The following MGMT variants were observed in gnomAD, a reference collection of about 807,000 sequenced individuals.
The protein encoded by MGMT is O-6-methylguanine-DNA methyltransferase.
A neutral mutation model predicts 15.9 loss-of-function variants in MGMT; 14 were observed. The observed-to-expected ratio is 0.88, with a 90% CI of 0.58 to 1.37. MGMT has a LOEUF of 1.37. MGMT is among the 40% of genes most tolerant of loss of function. The probability of loss-of-function intolerance (pLI) is 0.00; values close to 1 mark genes in which losing one functional copy is unlikely to be tolerated. For synonymous variants in MGMT, 130 were observed against 118.2 expected, an observed-to-expected ratio of 1.10 and a Z score of -0.65; for missense variants, 282 against 268.1, an observed-to-expected ratio of 1.05 and a Z score of -0.36.
chr10:129,646,685 C>T (rs1847392598), intron 2 of MGMT, among the ~76,000 whole-genome samples: 1 of 140,548 alleles, frequency 7.1e-6, no homozygotes, highest in Admixed American at 7.2e-5. Context: ...AAAATAAGGA[C>T]TTGTCTCCTT....
chr10:129,582,346 C>T (rs577640109), intron 2 of MGMT, among the ~76,000 whole-genome samples: 7 of 152,322 alleles, frequency 4.6e-5, no homozygotes, highest in Middle Eastern at 3.4e-3. Context: ...AGTCCCTCCT[C>T]GTGTTATAGT....
At chr10:129,763,090 T>A (rs1055309723) in intron 4 of MGMT, among the ~76,000 whole-genome samples, 1 of 152,172 alleles carries the variant, frequency 6.6e-6, no homozygotes, top group African/African-American at 2.4e-5. Flanking sequence ...AACAAATCTA[T>A]GGGTTTGGAA....
intron 2 of MGMT, among the ~76,000 whole-genome samples, chr10:129,618,843 C>G (rs1187054352): frequency 1.4e-5 from 1 of 69,078 alleles, no homozygotes; most frequent in African/African-American, 3.6e-5. Context: ...GTCTAGTATG[C>G]TGTGAGTTTG....
intron 1 of MGMT, among the ~76,000 whole-genome samples, chr10:129,506,006 A>ATTTT (rs71478939): frequency 0.044 from 5,891 of 132,388 alleles, 480 homozygotes; most frequent in African/African-American, 0.16. Context: ...TGCAGTTGCT[A>ATTTT]TTTTTTTTTT....
intron 3 of MGMT, 113 bp from the exon 4 acceptor site, chr10:129,759,089 A>T: frequency 7.5e-7 from 1 of 1,331,036 alleles, no homozygotes; most frequent in Non-Finnish European, 1.1e-6. Context: ...TTAATTGAGT[A>T]TAATACCTCT....
chr10:129,668,430 T>C (rs1847684257), intron 2 of MGMT, among the ~76,000 whole-genome samples: 1 of 152,124 alleles, frequency 6.6e-6, no homozygotes, highest in Non-Finnish European at 1.5e-5. Context: ...TCAGTTGCAG[T>C]TGGTTTTGTT....
intron 3 of MGMT, among the ~76,000 whole-genome samples, chr10:129,755,509 G>A (rs1848795475): frequency 6.6e-6 from 1 of 152,212 alleles, no homozygotes; most frequent in Non-Finnish European, 1.5e-5. Context: ...GCTGCAGCCT[G>A]GCTAAGGAAA....
At chr10:129,563,421 T>G (rs888037799) in intron 2 of MGMT, among the ~76,000 whole-genome samples, 2 of 152,222 alleles carry the variant, frequency 1.3e-5, no homozygotes, top group Non-Finnish European at 2.9e-5. Context: ...TGGCTCTCCC[T>G]GGTCAGTATT....
At chr10:129,693,885 AGAGT>A (rs1847999289) in intron 2 of MGMT, 1 of 149,658 alleles carries the variant, frequency 6.7e-6, no homozygotes, top group Non-Finnish European at 1.5e-5. Context: ...CGTGGGCGAC[AGAGT>A]GAGATTCCAT....
intron 3 of MGMT, among the ~76,000 whole-genome samples, chr10:129,732,129 C>G (rs886784256): frequency 1.3e-5 from 2 of 150,298 alleles, no homozygotes; most frequent in African/African-American, 4.9e-5. Flanking sequence ...CTCACATTGC[C>G]TGATATGTTG....
chr10:129,539,652 G>A (rs1286026033), intron 2 of MGMT, among the ~76,000 whole-genome samples: 2 of 152,050 alleles, frequency 1.3e-5, no homozygotes, highest in East Asian at 1.9e-4. Context: ...GACTACAGGC[G>A]CCTGCTGCCA....
chr10:129,727,686 C>T (rs978137612), intron 3 of MGMT, among the ~76,000 whole-genome samples: 1 of 152,132 alleles, frequency 6.6e-6, no homozygotes, highest in Non-Finnish European at 1.5e-5. Context: ...TTGGCTGTCT[C>T]TTGTGTACAA....
intron 1 of MGMT, among the ~76,000 whole-genome samples, chr10:129,486,728 G>A (rs1845413213): frequency 1.3e-5 from 2 of 152,180 alleles, no homozygotes; most frequent in South Asian, 4.1e-4. Flanking sequence ...GGAAACAAAG[G>A]GCGTCTTTGA....
At chr10:129,698,382 TTAA>T (rs1421838566) in intron 2 of MGMT, among the ~76,000 whole-genome samples, 4 of 152,180 alleles carry the variant, frequency 2.6e-5, no homozygotes, top group Non-Finnish European at 5.9e-5. Context: ...AGAGAACTGT[TTAA>T]TAATGCACAG....
chr10:129,696,840 C>G lies in MGMT; in HGVS notation c.126-11055C>G, dbSNP rs972859446. Among the ~76,000 whole-genome samples the G allele has an allele frequency of 5.9e-5, 9 of 152,346 alleles. No homozygotes were observed. In the South Asian group the frequency reaches 1.9e-3, roughly 32 times the overall value. On this transcript the variant is annotated intron_variant, in intron 2 of 4. Coordinates refer to ENST00000651593, the MANE Select transcript of MGMT (RefSeq NM_002412.5). ...TTGGACTTCTTTACGCAGCCCAGTC[C>G]ACACCTCACCTGTGCATTCGTCAAG...
At chr10:129,591,947 A>G (rs892112930) in intron 2 of MGMT, among the ~76,000 whole-genome samples, 2 of 152,162 alleles carry the variant, frequency 1.3e-5, no homozygotes, top group African/African-American at 4.8e-5. Context: ...TAAATAAATA[A>G]ATAAAAAAGA....
At chr10:129,581,803 C>T (rs150813941) in intron 2 of MGMT, among the ~76,000 whole-genome samples, 4,953 of 152,326 alleles carry the variant, frequency 0.033, 131 homozygotes, top group South Asian at 0.064. Context: ...GTGGCCGTCC[C>T]GTCCTCCTGG....
At chr10:129,499,629 A>G (rs1845555515) in intron 1 of MGMT, among the ~76,000 whole-genome samples, 1 of 152,210 alleles carries the variant, frequency 6.6e-6, no homozygotes, top group African/African-American at 2.4e-5. Flanking sequence ...TCTTTGTTGT[A>G]AACAGAAATA....
chr10:129,611,352 G>A (rs1451872366), intron 2 of MGMT, among the ~76,000 whole-genome samples: 2 of 152,184 alleles, frequency 1.3e-5, no homozygotes, highest in Non-Finnish European at 2.9e-5. Flanking sequence ...AGGAAGAAGA[G>A]AGAGAGTGAA....
Sources: gnomAD v4.1 joint callset for allele counts (sites outside exome capture counted in the v4.1 genomes callset) on GRCh38, gnomAD v4.1.1 for gene constraint, MANE v1.5 for transcripts, NCBI Gene and HGNC (gene_info 2026-07-23, HGNC 2026-07-21) for gene names.